The following REEP3 variants were observed in gnomAD, a reference collection of about 807,000 sequenced individuals.
The protein encoded by REEP3 is receptor accessory protein 3.
In REEP3, 20 loss-of-function variants were observed where a neutral mutation model predicts 41.3. The ratio of observed to expected loss-of-function variants is 0.48; its 90% confidence interval spans 0.34 to 0.70. The LOEUF is 0.70. Ranked by LOEUF, REEP3 falls within the 30% of genes least tolerant of loss-of-function variation. The probability of loss-of-function intolerance (pLI) is 0.01; values close to 1 mark genes in which losing one functional copy is unlikely to be tolerated. For synonymous variants in REEP3, 104 were observed against 101.8 expected, an observed-to-expected ratio of 1.02 and a Z score of -0.13; for missense variants, 271 against 308.8, an observed-to-expected ratio of 0.88 and a Z score of 0.92.
chr10:63,583,511 A>G (rs1021747996), intron 2 of REEP3, among the ~76,000 whole-genome samples: 1 of 152,226 alleles, frequency 6.6e-6, no homozygotes, highest in Admixed American at 6.5e-5. Context: ...CACCTAGAGA[A>G]TGAAGCATCT....
At chr10:63,596,038 C>G (rs1956111340) in intron 3 of REEP3, among the ~76,000 whole-genome samples, 1 of 152,176 alleles carries the variant, frequency 6.6e-6, no homozygotes, top group South Asian at 2.1e-4. Flanking sequence ...CTTTACTATT[C>G]TCTCCTTAAG....
chr10:63,619,422 A>G (rs1021959654), intron 6 of REEP3, among the ~76,000 whole-genome samples: 9 of 152,216 alleles, frequency 5.9e-5, no homozygotes, highest in African/African-American at 1.9e-4. Flanking sequence ...AAAAATGCAT[A>G]GTAAAAATAA....
At chr10:63,552,250 A>AT (rs1379610044) in intron 1 of REEP3, among the ~76,000 whole-genome samples, 2 of 148,928 alleles carry the variant, frequency 1.3e-5, no homozygotes, top group Non-Finnish European at 3.0e-5. Flanking sequence ...TAAAAATACA[A>AT]AAAAAAAAAA....
chr10:63,584,417 T>C (rs1490933856), intron 2 of REEP3, among the ~76,000 whole-genome samples: 1 of 116,044 alleles, frequency 8.6e-6, no homozygotes, highest in Non-Finnish European at 1.7e-5. Flanking sequence ...CCCCAACACA[T>C]GCCCCATCTT....
intron 1 of REEP3, among the ~76,000 whole-genome samples, chr10:63,529,247 A>G (rs953015056): frequency 1.3e-5 from 2 of 152,234 alleles, no homozygotes; most frequent in African/African-American, 4.8e-5. Context: ...TTCACTAATG[A>G]GCCTCTTTCC....
intron 2 of REEP3, among the ~76,000 whole-genome samples, chr10:63,578,389 C>T (rs1355335470): frequency 1.3e-5 from 2 of 152,168 alleles, no homozygotes; most frequent in Admixed American, 6.5e-5. Context: ...TGGGCCACAG[C>T]GCCCACCCGA....
chr10:63,606,236 T>TGGAA, intron 5 of REEP3: 1 of 168,978 alleles, frequency 5.9e-6, no homozygotes, highest in Non-Finnish European at 1.1e-5. Flanking sequence ...GCTGTTTCCA[T>TGGAA]ACAGCAGACT....
At chr10:63,581,990 T>C (rs1955958581) in intron 2 of REEP3, among the ~76,000 whole-genome samples, 1 of 152,134 alleles carries the variant, frequency 6.6e-6, no homozygotes, top group Non-Finnish European at 1.5e-5. Context: ...AATACCAAGT[T>C]TGTCTTTTCT....
At chr10:63,561,333 G>A (rs1955737426) in intron 1 of REEP3, among the ~76,000 whole-genome samples, 1 of 152,204 alleles carries the variant, frequency 6.6e-6, no homozygotes, top group Admixed American at 6.5e-5. Flanking sequence ...GTTTATGGAG[G>A]AAGGGTAGAT....
chr10:63,582,089 C>T (rs1834847560), intron 2 of REEP3, among the ~76,000 whole-genome samples: 1 of 152,220 alleles, frequency 6.6e-6, no homozygotes. Context: ...CAGCCTCTCA[C>T]TGCAGTGCTT....
intron 6 of REEP3, among the ~76,000 whole-genome samples, chr10:63,614,831 T>A (rs1445165913): frequency 6.6e-6 from 1 of 152,230 alleles, no homozygotes; most frequent in Non-Finnish European, 1.5e-5. Context: ...GATGACAATC[T>A]GGCAGTAATC....
intron 1 of REEP3, 62 bp downstream of exon 1, chr10:63,521,639 A>G: frequency 2.4e-6 from 3 of 1,262,224 alleles, no homozygotes; most frequent in Non-Finnish European, 3.1e-6. Context: ...TGGGAAGGGG[A>G]AGGAGCCGAG....
intron 3 of REEP3, among the ~76,000 whole-genome samples, chr10:63,597,360 G>A (rs887575759): frequency 7.2e-5 from 11 of 152,208 alleles, no homozygotes; most frequent in Admixed American, 1.3e-4. Flanking sequence ...ACTATCATAT[G>A]AGATAGGTCA....
chr10:63,561,439 A>G (rs377733582), intron 1 of REEP3, among the ~76,000 whole-genome samples: 3 of 152,226 alleles, frequency 2.0e-5, no homozygotes, highest in South Asian at 4.1e-4. Context: ...CCAGGCATGA[A>G]GCAGACGCTC....
chr10:63,599,041 A>G, intron 4 of REEP3, 129 bp from the exon 5 acceptor site: 1 of 579,326 alleles, frequency 1.7e-6, no homozygotes. Context: ...AAAAGAAAAG[A>G]AAGAAATGCC....
At chr10:63,546,995 CACT>C (rs1401054818) in intron 1 of REEP3, among the ~76,000 whole-genome samples, 7 of 141,464 alleles carry the variant, frequency 4.9e-5, no homozygotes, top group African/African-American at 1.7e-4. Flanking sequence ...AATCTCAGCT[CACT>C]ACAACCTCCG....
intron 1 of REEP3, among the ~76,000 whole-genome samples, chr10:63,543,730 A>G (rs1341986052): frequency 6.6e-6 from 1 of 152,210 alleles, no homozygotes; most frequent in Non-Finnish European, 1.5e-5. Context: ...ATGCAGAGCT[A>G]AGCATGACAC....
At chr10:63,584,444 A>AAC (rs1486516826) in intron 2 of REEP3, among the ~76,000 whole-genome samples, 1 of 151,418 alleles carries the variant, frequency 6.6e-6, no homozygotes, top group Non-Finnish European at 1.5e-5. Flanking sequence ...AAAAAAAAAA[A>AAC]AAAAAACTAT....
At chr10:63,544,783 T>C (rs1016169136) in intron 1 of REEP3, among the ~76,000 whole-genome samples, 1 of 152,220 alleles carries the variant, frequency 6.6e-6, no homozygotes, top group Non-Finnish European at 1.5e-5. Flanking sequence ...ATGGATAATA[T>C]GTAGTAAGTT....
Sources: allele counts gnomAD v4.1 joint callset (sites outside exome capture counted in the v4.1 genomes callset), GRCh38; gene constraint gnomAD v4.1.1; transcripts MANE v1.5; gene names NCBI Gene and HGNC (gene_info 2026-07-23, HGNC 2026-07-21).